BLMH: variants seen among roughly 807,000 people sequenced by gnomAD.
BLMH encodes the protein bleomycin hydrolase, also known as BLM hydrolase.
A neutral mutation model predicts 61.6 loss-of-function variants in BLMH; 32 were observed. The observed-to-expected ratio is 0.52, with a 90% confidence interval of 0.39 to 0.70. The LOEUF (loss-of-function observed/expected upper bound fraction) is 0.70, where lower values mean the gene tolerates loss of function less well. Among genes scored for constraint, BLMH ranks in the 30% least tolerant of loss-of-function variants. The pLI, the probability that BLMH is intolerant of heterozygous loss-of-function variation, is 0.00. For missense variants in BLMH, 460 were observed against 555.5 expected, an observed-to-expected ratio of 0.83 and a Z score of 1.73; for synonymous variants, 183 against 193.8, an observed-to-expected ratio of 0.94 and a Z score of 0.46.
chr17:30,284,965 T>C (rs976101226), intron 6 of BLMH, among the ~76,000 whole-genome samples: 10 of 152,350 alleles, frequency 6.6e-5, no homozygotes, highest in Admixed American at 5.2e-4. Context: ...TTCAGCTCAC[T>C]GAGCTAGTCA....
chr17:30,253,590 G>A (rs954816900), intron 11 of BLMH, among the ~76,000 whole-genome samples: 1 of 152,198 alleles, frequency 6.6e-6, no homozygotes. Flanking sequence ...GGCTCAGGCA[G>A]GATTCGGCTG....
chr17:30,285,512 G>T, intron 5 of BLMH, 32 bp from the exon 6 acceptor site: 1 of 1,544,810 alleles, frequency 6.5e-7, no homozygotes, highest in Non-Finnish European at 8.9e-7. Context: ...CACTCCAACA[G>T]TTACCCGAAT....
chr17:30,254,083 TG>T (rs1907748958), intron 11 of BLMH, among the ~76,000 whole-genome samples: 1 of 152,074 alleles, frequency 6.6e-6, no homozygotes, highest in Admixed American at 6.6e-5. Context: ...CCACCAGAAA[TG>T]TAAGATTTAA....
At chr17:30,252,433 A>C (rs1907692719) in intron 11 of BLMH, among the ~76,000 whole-genome samples, 1 of 150,762 alleles carries the variant, frequency 6.6e-6, no homozygotes, top group Admixed American at 6.7e-5. Context: ...GCAGTGGCTC[A>C]CACCTATAAT....
intron 11 of BLMH, among the ~76,000 whole-genome samples, chr17:30,257,167 G>A (rs541438612): frequency 6.6e-6 from 1 of 152,168 alleles, no homozygotes; most frequent in South Asian, 2.1e-4. Flanking sequence ...CGTGTGCCAG[G>A]CACTATTCTA....
At position 30,286,860 on chromosome 17, in the gene BLMH, T is replaced by C. The variant is rs1440221247; in HGVS notation, c.506A>G (p.Tyr169Cys). 9 of 1,597,172 alleles carry C rather than the reference T, an allele frequency of 5.6e-6. No individual in the cohort carries two copies. In the South Asian group the frequency reaches 6.6e-5, roughly 12 times the overall value. ...CATCCTTCTGGTTGCCTCTGTTGTA[T>C]AAGATTCAGGGAAGCATTTCTTAGG... ...VIPKKCFPES[Y>C]TTEATRRMND... The change falls in exon 5 of 12, where the codon TAT becomes TGT. Residue 169 changes from tyrosine to cysteine, a missense_variant. Physicochemically the swap from Tyr to Cys is radical, Grantham distance 194. Transcript: ENST00000261714.
intron 10 of BLMH, among the ~76,000 whole-genome samples, chr17:30,268,826 C>T (rs566537889): frequency 2.6e-4 from 38 of 145,542 alleles, no homozygotes; most frequent in Middle Eastern, 3.6e-3. Context: ...TGCTTGAGGT[C>T]AGGAGTTCAA....
At chr17:30,291,142 A>G in intron 2 of BLMH, 169 bp downstream of exon 2, 1 of 828,094 alleles carries the variant, frequency 1.2e-6, no homozygotes, top group Non-Finnish European at 1.8e-6. Context: ...GAACAGCAAA[A>G]CAAACCACAT....
At chr17:30,264,434 G>A (rs965439200) in intron 11 of BLMH, among the ~76,000 whole-genome samples, 3 of 152,154 alleles carry the variant, frequency 2.0e-5, no homozygotes, top group East Asian at 1.9e-4. Flanking sequence ...CTTTTATTGA[G>A]TAAAAGTAAA....
chr17:30,281,163 T>C (rs1018107487), intron 6 of BLMH, among the ~76,000 whole-genome samples: 1 of 151,082 alleles, frequency 6.6e-6, no homozygotes, highest in Non-Finnish European at 1.5e-5. Flanking sequence ...AGGCATTAAA[T>C]GTTTTCGGGC....
chr17:30,291,834 C>A lies in BLMH; in HGVS notation c.-15G>T. On this transcript the variant is annotated 5_prime_UTR_variant, in exon 1 of 12. Coordinates refer to ENST00000261714, the MANE Select transcript of BLMH (RefSeq NM_000386.4). Reference sequence around the variant, plus strand: ...GAGCTGCTCATGGCGCCCACGCTGCCCGGCGGGGTAACGGTAGCTTCCAGG... The same window carrying A: ...GAGCTGCTCATGGCGCCCACGCTGCACGGCGGGGTAACGGTAGCTTCCAGG... The A allele has an allele frequency of 2.2e-6, 3 of 1,339,554 alleles. No individual in the cohort carries two copies. Among genetic ancestry groups the A allele is most frequent in the Non-Finnish European group, 2.9e-6 (3 of 1,049,576 alleles). The allele number at this position is 1,339,554 out of a possible 1,614,324, so 83.0% of individuals were successfully genotyped here.
intron 11 of BLMH, among the ~76,000 whole-genome samples, chr17:30,265,401 C>T (rs1432611491): frequency 6.6e-6 from 1 of 152,176 alleles, no homozygotes; most frequent in Non-Finnish European, 1.5e-5. Flanking sequence ...GTCCCATATG[C>T]TCATATCCAA....
chr17:30,257,386 G>A (rs1907844429), intron 11 of BLMH, among the ~76,000 whole-genome samples: 1 of 152,114 alleles, frequency 6.6e-6, no homozygotes, highest in Non-Finnish European at 1.5e-5. Context: ...CAGAGCAGAC[G>A]ACCTAGTGTG....
At chr17:30,265,940 G>A (rs1276142529) in intron 11 of BLMH, among the ~76,000 whole-genome samples, 1 of 152,086 alleles carries the variant, frequency 6.6e-6, no homozygotes, top group East Asian at 1.9e-4. Context: ...AATCAACAGT[G>A]ATCTCTAGGT....
At chr17:30,267,032 T>C (rs1908131809) in intron 10 of BLMH, 78 bp from the exon 11 acceptor site, 2 of 1,377,150 alleles carry the variant, frequency 1.5e-6, no homozygotes. Flanking sequence ...TTAGCTCTTC[T>C]GTAGCCACTT....
Position 30,271,257 on chromosome 17 carries a change from G to A in BLMH, c.1146+14C>T. 2 of 1,576,114 alleles carry A rather than the reference G, an allele frequency of 1.3e-6. No homozygotes were observed. Among genetic ancestry groups the A allele is most frequent in the Non-Finnish European group, 1.7e-6 (2 of 1,145,536 alleles). ...TCTGTGCAAACACTCCAGCAGGCAT[G>A]CTGAGGGTCATACCTTCTCTGAGAC... On this transcript the variant is annotated intron_variant, in intron 10 of 11. Coordinates refer to ENST00000261714, the MANE Select transcript of BLMH (RefSeq NM_000386.4).
At position 30,272,662 on chromosome 17, in the gene BLMH, T is replaced by A. The variant is rs771205635; in HGVS notation, c.961-34A>T. On this transcript the variant is annotated intron_variant, in intron 8 of 11. Coordinates refer to ENST00000261714, the MANE Select transcript of BLMH (RefSeq NM_000386.4). ...AGAAGAAAGAGGAAGAAAGTCAACA[T>A]AAACCCCATCTTCCTATTATACCAA... 8.1e-5 allele frequency: 131 copies of A among 1,614,022 alleles called. 2 individuals are homozygous for A. Among genetic ancestry groups the A allele is most frequent in the Non-Finnish European group, 1.9e-5 (23 of 1,180,004 alleles).
At chr17:30,249,333 C>G (rs1907612085) in intron 11 of BLMH, 165 bp from the exon 12 acceptor site, 1 of 765,436 alleles carries the variant, frequency 1.3e-6, no homozygotes, top group Non-Finnish European at 2.0e-6. Flanking sequence ...TTCTGTGAAG[C>G]AGATAGGACA....
Position 30,271,196 on chromosome 17 carries a change from T to C in BLMH, c.1146+75A>G, listed in dbSNP as rs1908258688. 4.5e-6 allele frequency: 5 copies of C among 1,119,934 alleles called. No individual in the cohort carries two copies. The African/African-American group carries it at 4.6e-5, about 10-fold the overall frequency. 69.4% of individuals were successfully genotyped at this position (1,119,934 alleles called of 1,614,324 possible). Reference sequence around the variant, plus strand: ...ATCATATACACTATGAATGAAGCTTTGTTGGGTAAACAGTCTACAGGAGAA... The same window carrying C: ...ATCATATACACTATGAATGAAGCTTCGTTGGGTAAACAGTCTACAGGAGAA... On this transcript the variant is annotated intron_variant, in intron 10 of 11. Transcript: ENST00000261714.
Sources: allele counts gnomAD v4.1 joint callset (sites outside exome capture counted in the v4.1 genomes callset), GRCh38; gene constraint gnomAD v4.1.1; transcripts MANE v1.5; gene names NCBI Gene and HGNC (gene_info 2026-07-23, HGNC 2026-07-21).